Variants in LRRC37A2 observed in about 807,000 individuals in gnomAD.
LRRC37A2 encodes the protein leucine rich repeat containing 37 member A2.
LRRC37A2 carries 9 observed loss-of-function variants against 68.8 expected under a neutral mutation model. The ratio of observed to expected loss-of-function variants is 0.13; its 90% CI spans 0.08 to 0.23. The LOEUF is 0.23. LRRC37A2 is among the 10% of genes least tolerant of loss of function. The probability of loss-of-function intolerance (pLI) is 1.00; values close to 1 mark genes in which losing one functional copy is unlikely to be tolerated. For synonymous variants in LRRC37A2, 63 were observed against 367.6 expected (o/e 0.17, Z 9.48); for missense variants, 168 against 950.4 (o/e 0.18, Z 10.82).
At chr17:46,817,222 C>T in the LRRC37A2 span, among the ~76,000 whole-genome samples, 2 of 152,202 alleles carry the variant, frequency 1.3e-5, no homozygotes, top group Non-Finnish European at 2.9e-5. Flanking sequence ...TGTCTCTGCT[C>T]CTCCTACCCT....
the LRRC37A2 span, chr17:46,876,544 A>C: frequency 1.9e-6 from 3 of 1,613,692 alleles, no homozygotes; most frequent in Non-Finnish European, 2.5e-6. Context: ...CACCTGGCAC[A>C]GCAGGTAGGG....
At chr17:46,710,886 G>A in the LRRC37A2 span, 64 of 1,307,298 alleles carry the variant, frequency 4.9e-5, 1 homozygote, top group South Asian at 4.9e-4. Flanking sequence ...TAGCATGTAC[G>A]GATTATAACT....
the LRRC37A2 span, chr17:46,979,174 C>T: frequency 4.7e-5 from 33 of 695,406 alleles, no homozygotes; most frequent in Admixed American, 1.2e-3. Flanking sequence ...GCCGCCTACC[C>T]CTGGGCACCG....
At chr17:46,788,837 A>C in the LRRC37A2 span, among the ~76,000 whole-genome samples, 1 of 152,088 alleles carries the variant, frequency 6.6e-6, no homozygotes, top group Non-Finnish European at 1.5e-5. Flanking sequence ...CAGATCCCAC[A>C]GGCTGTCTCC....
At chr17:47,035,408 G>A in the LRRC37A2 span, among the ~76,000 whole-genome samples, 1 of 152,160 alleles carries the variant, frequency 6.6e-6, no homozygotes, top group African/African-American at 2.4e-5. Flanking sequence ...TCATATAAAC[G>A]AATCATACAG....
At chr17:46,765,434 CAAAAAGCTACA>C in the LRRC37A2 span, among the ~76,000 whole-genome samples, 1 of 152,242 alleles carries the variant, frequency 6.6e-6, no homozygotes, top group Admixed American at 6.5e-5. Flanking sequence ...GTAAAAGCTA[CAAAAAGCTACA>C]GAAAAGGTGT....
chr17:46,548,645 T>G (rs769134814), exon 10 of LRRC37A2: 50 of 1,604,508 alleles, frequency 3.1e-5, no homozygotes, highest in Non-Finnish European at 4.2e-5. Context: ...AGAGTCCTCA[T>G]GGGCCCAAGG....
the LRRC37A2 span, among the ~76,000 whole-genome samples, chr17:46,950,287 A>G: frequency 6.6e-6 from 1 of 151,736 alleles, no homozygotes; most frequent in Non-Finnish European, 1.5e-5. Context: ...GAGAGTGTGG[A>G]CTCTCTGCCT....
At chr17:46,932,132 G>A in the LRRC37A2 span, 16 of 1,613,860 alleles carry the variant, frequency 9.9e-6, no homozygotes, top group African/African-American at 1.2e-4. Flanking sequence ...TTCCAGCATC[G>A]GCGCCATGCA....
the LRRC37A2 span, among the ~76,000 whole-genome samples, chr17:46,834,652 C>T: frequency 1.3e-5 from 2 of 152,176 alleles, no homozygotes; most frequent in African/African-American, 4.8e-5. Flanking sequence ...TCCTTCTCGC[C>T]TGCCTCCTCC....
the LRRC37A2 span, among the ~76,000 whole-genome samples, chr17:46,879,253 G>C: frequency 6.6e-6 from 1 of 152,122 alleles, no homozygotes; most frequent in African/African-American, 2.4e-5. Flanking sequence ...ACCTGACCGG[G>C]TCCCCCACTG....
the LRRC37A2 span, among the ~76,000 whole-genome samples, chr17:46,979,498 G>T: frequency 2.6e-5 from 4 of 152,094 alleles, no homozygotes; most frequent in Admixed American, 6.5e-5. Context: ...CCTCTCCAAG[G>T]TGCCCATTCC....
At chr17:46,923,629 C>G in the LRRC37A2 span, 1 of 1,222,822 alleles carries the variant, frequency 8.2e-7, no homozygotes, top group Admixed American at 3.9e-5. Flanking sequence ...ATTGGAGAGT[C>G]AGGGCACGTA....
the LRRC37A2 span, among the ~76,000 whole-genome samples, chr17:46,778,394 T>C: frequency 6.6e-6 from 1 of 152,072 alleles, no homozygotes. Context: ...TCAGATGGGG[T>C]CATCCTGCGA....
chr17:46,708,293 A>G, the LRRC37A2 span, among the ~76,000 whole-genome samples: 1 of 152,082 alleles, frequency 6.6e-6, no homozygotes, highest in South Asian at 2.1e-4. Flanking sequence ...TGGCTGCACC[A>G]TTTTACATTC....
Position 46,521,071 on chromosome 17 carries a change from A to C in LRRC37A2, c.2753+788A>C, listed in dbSNP as rs1229455917. On this transcript the variant is annotated intron_variant, in intron 4 of 14. Coordinates refer to ENST00000576629, the Ensembl canonical transcript of LRRC37A2. Reference sequence around the variant, plus strand: ...AACTGGTAGAGCTAGAAATGTTTACACTAAGAAGCACATCAGAAATGCCCC... The same window carrying C: ...AACTGGTAGAGCTAGAAATGTTTACCCTAAGAAGCACATCAGAAATGCCCC... Among the ~76,000 whole-genome samples, 13 of 79,648 alleles carry C rather than the reference A, an allele frequency of 1.6e-4. 3 individuals carry two copies. The highest frequency in any genetic ancestry group is 4.1e-4 in the African/African-American group (11 of 27,156). The allele number at this position is 79,648 out of a possible 152,430, so 52.3% of individuals were successfully genotyped here. A position where few individuals can be genotyped will look rare whatever the true frequency, so the allele number is the denominator to read the frequency against.
At chr17:46,808,035 G>C in the LRRC37A2 span, among the ~76,000 whole-genome samples, 6 of 152,226 alleles carry the variant, frequency 3.9e-5, no homozygotes, top group Admixed American at 3.9e-4. Context: ...TTTCTAGCAC[G>C]TATATGATGG....
chr17:46,610,127 T>C, the LRRC37A2 span, among the ~76,000 whole-genome samples: 5 of 83,198 alleles, frequency 6.0e-5, no homozygotes, highest in African/African-American at 1.8e-4. Context: ...CTCTCTCTCT[T>C]CCTTTCTTCC....
the LRRC37A2 span, chr17:46,978,604 C>T: frequency 3.9e-6 from 6 of 1,542,236 alleles, no homozygotes; most frequent in East Asian, 1.0e-4. Flanking sequence ...CTCCGGGGTC[C>T]TTCTTGCAGC....
Sources: gnomAD v4.1 joint callset for allele counts (sites outside exome capture counted in the v4.1 genomes callset) on GRCh38, gnomAD v4.1.1 for gene constraint, MANE v1.5 for transcripts, NCBI Gene and HGNC (gene_info 2026-07-23, HGNC 2026-07-21) for gene names.